The following MAMDC2 variants were observed in gnomAD, a reference collection of about 807,000 sequenced individuals.
MAMDC2 encodes the protein MAM domain-containing protein 2.
In MAMDC2, 57 loss-of-function variants were observed where a neutral mutation model predicts 89.8. The ratio of observed to expected loss-of-function variants is 0.63; its 90% CI spans 0.51 to 0.79. The LOEUF is 0.79. Ranked by LOEUF, MAMDC2 falls within the 30% of genes least tolerant of loss-of-function variation. MAMDC2 has a pLI of 0.00. For synonymous variants in MAMDC2, 313 were observed against 293.4 expected, an observed-to-expected ratio of 1.07 and a Z score of -0.68; for missense variants, 800 against 820.6, an observed-to-expected ratio of 0.97 and a Z score of 0.31.
intron 2 of MAMDC2, among the ~76,000 whole-genome samples, chr9:70,077,319 G>A (rs1827553969): frequency 6.6e-6 from 1 of 152,040 alleles, no homozygotes; most frequent in Non-Finnish European, 1.5e-5. Context: ...TTCTAACTTG[G>A]TGGATGATTC....
chr9:70,143,906 TG>T (rs2118419420), intron 9 of MAMDC2, 87 bp downstream of exon 9: 2 of 1,493,672 alleles, frequency 1.3e-6, no homozygotes, highest in Non-Finnish European at 1.8e-6. Context: ...CAACTGGTGA[TG>T]TATTATTTTC....
chr9:70,200,224 T>C (rs1489133696), intron 11 of MAMDC2, among the ~76,000 whole-genome samples: 1 of 151,794 alleles, frequency 6.6e-6, no homozygotes, highest in Non-Finnish European at 1.5e-5. Flanking sequence ...GAATTGATTT[T>C]TGTATAAGGT....
At chr9:70,207,502 T>G (rs1415492483) in intron 11 of MAMDC2, among the ~76,000 whole-genome samples, 1 of 132,342 alleles carries the variant, frequency 7.6e-6, no homozygotes, top group East Asian at 3.1e-4. Context: ...GTTAATTTGT[T>G]TTAAGTTCTT....
At chr9:70,055,826 C>T (rs1332805781) in intron 2 of MAMDC2, among the ~76,000 whole-genome samples, 1 of 152,196 alleles carries the variant, frequency 6.6e-6, no homozygotes, top group East Asian at 1.9e-4. Flanking sequence ...AATACTTTGG[C>T]AGTCTTAAGG....
chr9:70,199,055 G>C (rs887532477), intron 11 of MAMDC2, among the ~76,000 whole-genome samples: 2 of 1,738 alleles, frequency 1.2e-3, no homozygotes, highest in African/African-American at 3.0e-3. Flanking sequence ...TTTTTTTTTC[G>C]TTTGTTTTTT....
intron 11 of MAMDC2, among the ~76,000 whole-genome samples, chr9:70,208,004 T>C (rs1022379206): frequency 1.3e-4 from 20 of 152,214 alleles, no homozygotes; most frequent in Non-Finnish European, 2.6e-4. Context: ...TCTGTTTTGG[T>C]ACCAGTACCA....
intron 2 of MAMDC2, among the ~76,000 whole-genome samples, chr9:70,082,260 A>G (rs1291327446): frequency 6.6e-6 from 1 of 152,176 alleles, no homozygotes; most frequent in African/African-American, 2.4e-5. Flanking sequence ...TATAGAGAAC[A>G]TGGAATAATA....
chr9:70,175,204 A>T (rs2032459120), intron 11 of MAMDC2, among the ~76,000 whole-genome samples: 1 of 152,210 alleles, frequency 6.6e-6, no homozygotes, highest in South Asian at 2.1e-4. Context: ...TACTGCACAT[A>T]ACCCAGGTGA....
At chr9:70,128,529 C>T (rs1376621069) in intron 6 of MAMDC2, among the ~76,000 whole-genome samples, 2 of 152,070 alleles carry the variant, frequency 1.3e-5, no homozygotes, top group African/African-American at 4.8e-5. Context: ...ACTATTTTGT[C>T]CAAACTCTTT....
intron 2 of MAMDC2, among the ~76,000 whole-genome samples, chr9:70,094,932 A>G (rs1166542719): frequency 6.6e-6 from 1 of 152,252 alleles, no homozygotes; most frequent in South Asian, 2.1e-4. Flanking sequence ...GTACAGTTGT[A>G]TAGGTTGCAC....
intron 11 of MAMDC2, among the ~76,000 whole-genome samples, chr9:70,191,382 C>T (rs950757043): frequency 1.1e-4 from 16 of 151,942 alleles, no homozygotes; most frequent in Non-Finnish European, 2.2e-4. Flanking sequence ...TAATTAAATG[C>T]TCATATTATT....
intron 11 of MAMDC2, among the ~76,000 whole-genome samples, chr9:70,176,947 A>C (rs2032519535): frequency 6.6e-6 from 1 of 152,232 alleles, no homozygotes; most frequent in Non-Finnish European, 1.5e-5. Flanking sequence ...TAAACCCTAT[A>C]TACAATATAT....
intron 9 of MAMDC2, among the ~76,000 whole-genome samples, chr9:70,159,419 A>G (rs2031885347): frequency 8.5e-6 from 1 of 118,306 alleles, no homozygotes; most frequent in African/African-American, 3.2e-5. Flanking sequence ...TAAGCTTTAA[A>G]CTGCAGCTCT....
At chr9:70,046,299 C>T (rs1826750028) in intron 2 of MAMDC2, among the ~76,000 whole-genome samples, 1 of 152,026 alleles carries the variant, frequency 6.6e-6, no homozygotes, top group Admixed American at 6.6e-5. Context: ...AGTCTGTGTA[C>T]ACACACACAC....
At chr9:70,112,517 G>C (rs3015220) in intron 4 of MAMDC2, among the ~76,000 whole-genome samples, 3,288 of 152,208 alleles carry the variant, frequency 0.022, 126 homozygotes, top group African/African-American at 0.076. Context: ...GACTGGGCCA[G>C]TAGATTCAAG....
intron 12 of MAMDC2, among the ~76,000 whole-genome samples, chr9:70,224,357 G>A (rs1165044305): frequency 1.3e-5 from 2 of 152,090 alleles, no homozygotes; most frequent in Non-Finnish European, 2.9e-5. Context: ...GGTTTCCATT[G>A]CTATATACAA....
intron 2 of MAMDC2, among the ~76,000 whole-genome samples, chr9:70,089,710 AG>A (rs956866054): frequency 1.3e-5 from 2 of 152,206 alleles, no homozygotes; most frequent in African/African-American, 2.4e-5. Flanking sequence ...ATTTCAGGCT[AG>A]CTTTAGGTCC....
intron 10 of MAMDC2, among the ~76,000 whole-genome samples, chr9:70,169,275 T>C (rs1310500437): frequency 6.6e-6 from 1 of 152,220 alleles, no homozygotes; most frequent in Non-Finnish European, 1.5e-5. Flanking sequence ...CAAGCAATGA[T>C]GATAGTAGCA....
chr9:70,196,247 G>A (rs1471526107), intron 11 of MAMDC2, among the ~76,000 whole-genome samples: 1 of 152,004 alleles, frequency 6.6e-6, no homozygotes. Flanking sequence ...GGTGAGATTT[G>A]GGTGGGGACA....
Sources: allele counts gnomAD v4.1 joint callset (sites outside exome capture counted in the v4.1 genomes callset), GRCh38; gene constraint gnomAD v4.1.1; transcripts MANE v1.5; gene names NCBI Gene and HGNC (gene_info 2026-07-23, HGNC 2026-07-21).